ADCY2: variants seen among roughly 807,000 people sequenced by gnomAD.
The protein encoded by ADCY2 is adenylate cyclase type 2.
ADCY2 carries 31 observed loss-of-function variants against 125.2 expected under a neutral mutation model. That is an observed-to-expected ratio of 0.25 (90% CI 0.19 to 0.33). The LOEUF (loss-of-function observed/expected upper bound fraction) is 0.33, where lower values mean the gene tolerates loss of function less well. ADCY2 is among the 10% of genes least tolerant of loss of function. The probability of loss-of-function intolerance (pLI) is 1.00; values close to 1 mark genes in which losing one functional copy is unlikely to be tolerated. For missense variants in ADCY2, 904 were observed against 1,418.2 expected (o/e 0.64, Z 5.82); for synonymous variants, 512 against 548.4 (o/e 0.93, Z 0.93).
Position 7,566,486 on chromosome 5 carries a change from G to A in ADCY2, c.570+45587G>A, listed in dbSNP as rs192222604. Among the ~76,000 whole-genome samples, 919 of 152,106 alleles carry A rather than the reference G, an allele frequency of 6.0e-3. 10 individuals carry two copies. Among genetic ancestry groups the A allele is most frequent in the African/African-American group, 0.021 (870 of 41,482 alleles). On this transcript the variant is annotated intron_variant, in intron 3 of 24. Transcript: ENST00000338316. ...ACTCCAACCAGGGTGACAGAGCTAAGAACCTGTCTCTAAAAAGAGAAAGAG... is the reference window on the plus strand; with the variant it reads ...ACTCCAACCAGGGTGACAGAGCTAAAAACCTGTCTCTAAAAAGAGAAAGAG...
At chr5:7,700,174 A>T (rs542721100) in intron 7 of ADCY2, among the ~76,000 whole-genome samples, 1 of 152,318 alleles carries the variant, frequency 6.6e-6, no homozygotes, top group Admixed American at 6.5e-5. Flanking sequence ...CTGTGAATTT[A>T]ATTTTAATTT....
intron 3 of ADCY2, among the ~76,000 whole-genome samples, chr5:7,591,721 A>G (rs1026645705): frequency 6.6e-6 from 1 of 152,170 alleles, no homozygotes; most frequent in Non-Finnish European, 1.5e-5. Flanking sequence ...AGCTCTGGGC[A>G]AAAACCCAGG....
At chr5:7,585,178 T>A (rs1270001478) in intron 3 of ADCY2, among the ~76,000 whole-genome samples, 4 of 152,168 alleles carry the variant, frequency 2.6e-5, no homozygotes, top group Non-Finnish European at 5.9e-5. Flanking sequence ...TCTGAGAATA[T>A]GTTCACATTC....
At chr5:7,631,454 T>A (rs1389095654) in intron 4 of ADCY2, among the ~76,000 whole-genome samples, 1 of 152,208 alleles carries the variant, frequency 6.6e-6, no homozygotes. Context: ...TGAGTAAGTG[T>A]AACTTCCAGG....
intron 4 of ADCY2, among the ~76,000 whole-genome samples, chr5:7,686,893 C>CT (rs1006339888): frequency 6.6e-6 from 1 of 152,034 alleles, no homozygotes; most frequent in African/African-American, 2.4e-5. Flanking sequence ...TGAGCTCAGG[C>CT]TTTTTTTGGA....
intron 2 of ADCY2, among the ~76,000 whole-genome samples, chr5:7,433,933 A>G (rs1338838099): frequency 2.0e-5 from 3 of 152,256 alleles, no homozygotes; most frequent in African/African-American, 7.2e-5. Context: ...TGTCATACAA[A>G]TTAAAAATTC....
At chr5:7,462,420 G>T (rs953727234) in intron 2 of ADCY2, among the ~76,000 whole-genome samples, 1 of 152,130 alleles carries the variant, frequency 6.6e-6, no homozygotes, top group African/African-American at 2.4e-5. Flanking sequence ...TGATTAAATG[G>T]CATTCCCAAT....
chr5:7,780,624 C>T (rs773757173), intron 18 of ADCY2, among the ~76,000 whole-genome samples: 1 of 152,128 alleles, frequency 6.6e-6, no homozygotes, highest in Non-Finnish European at 1.5e-5. Flanking sequence ...ATGATTTTAC[C>T]TCAGCTAACC....
intron 2 of ADCY2, among the ~76,000 whole-genome samples, chr5:7,468,869 G>A (rs1416107157): frequency 2.0e-5 from 3 of 152,106 alleles, no homozygotes; most frequent in Admixed American, 2.0e-4. Flanking sequence ...TTCAAAAAAT[G>A]TTTGAGTAGT....
intron 2 of ADCY2, among the ~76,000 whole-genome samples, chr5:7,446,312 AT>A (rs1376720231): frequency 6.6e-6 from 1 of 152,214 alleles, no homozygotes; most frequent in Non-Finnish European, 1.5e-5. Context: ...CTCTGGCATT[AT>A]AAAGCACCTG....
At chr5:7,727,359 C>G in intron 14 of ADCY2, 98 bp downstream of exon 14, 1 of 985,920 alleles carries the variant, frequency 1.0e-6, no homozygotes, top group Non-Finnish European at 1.5e-6. Context: ...AATGTTTAGA[C>G]AGAGGGGTGA....
At chr5:7,598,590 C>T (rs1737089457) in intron 3 of ADCY2, among the ~76,000 whole-genome samples, 1 of 152,066 alleles carries the variant, frequency 6.6e-6, no homozygotes, top group Non-Finnish European at 1.5e-5. Flanking sequence ...AGTTGGAGGC[C>T]CTGACCTGAA....
rs774974667 is a variant in ADCY2, at chr5:7,626,199, G to T, written c.603G>T (p.Gly201=). Residue 201 remains glycine, a synonymous_variant, in exon 4 of 25, where the codon GGG becomes GGT. Transcript: ENST00000338316. ...ILANVIIFIC[G]NLAGAYHKHL... ...CCAATGTGATCATTTTCATCTGTGG[G>T]AACCTGGCGGGAGCCTACCATAAGC... is the stretch of plus-strand genomic sequence containing the variant. 6.2e-7 allele frequency: 1 copy of T among 1,613,968 alleles called. No individual in the cohort carries two copies. The highest frequency in any genetic ancestry group is 1.7e-5 in the Admixed American group (1 of 59,990).
intron 4 of ADCY2, among the ~76,000 whole-genome samples, chr5:7,633,987 G>T (rs1738407980): frequency 6.6e-6 from 1 of 152,144 alleles, no homozygotes; most frequent in Non-Finnish European, 1.5e-5. Flanking sequence ...ATTCTAAAAT[G>T]AGCCCTTTTG....
intron 2 of ADCY2, among the ~76,000 whole-genome samples, chr5:7,494,269 T>G (rs935801944): frequency 2.0e-5 from 3 of 152,170 alleles, no homozygotes; most frequent in South Asian, 2.1e-4. Context: ...GCGGATAATC[T>G]TACTAAAACT....
intron 2 of ADCY2, among the ~76,000 whole-genome samples, chr5:7,512,077 C>G (rs145924821): frequency 7.9e-5 from 12 of 151,588 alleles, no homozygotes; most frequent in Middle Eastern, 3.4e-3. Flanking sequence ...AAACATTAGC[C>G]AGGCGTGGTG....
At chr5:7,503,971 T>C (rs777614623) in intron 2 of ADCY2, among the ~76,000 whole-genome samples, 3 of 152,186 alleles carry the variant, frequency 2.0e-5, no homozygotes, top group Non-Finnish European at 2.9e-5. Context: ...GTTTGTCCTT[T>C]GCGGGAGTTT....
At chr5:7,622,768 C>G (rs533179559) in intron 3 of ADCY2, among the ~76,000 whole-genome samples, 1 of 152,332 alleles carries the variant, frequency 6.6e-6, no homozygotes, top group East Asian at 1.9e-4. Context: ...TCTCAATGGA[C>G]AAGAAACGTT....
intron 11 of ADCY2, among the ~76,000 whole-genome samples, chr5:7,714,428 A>C (rs1741535114): frequency 6.6e-6 from 1 of 152,252 alleles, no homozygotes; most frequent in African/African-American, 2.4e-5. Context: ...TCTGGAAGAC[A>C]ATGATAAGAA....
Sources: allele counts gnomAD v4.1 joint callset (sites outside exome capture counted in the v4.1 genomes callset), GRCh38; gene constraint gnomAD v4.1.1; transcripts MANE v1.5; gene names NCBI Gene and HGNC (gene_info 2026-07-23, HGNC 2026-07-21).